The following DPP10 variants were observed in gnomAD, a reference collection of about 807,000 sequenced individuals.
The protein encoded by DPP10 is inactive dipeptidyl peptidase 10.
Under a neutral mutation model 120.9 loss-of-function variants are expected in DPP10, and 33 were observed. The observed-to-expected ratio is 0.27, with a 90% CI of 0.21 to 0.37. The LOEUF (loss-of-function observed/expected upper bound fraction) is 0.37. Among genes scored for constraint, DPP10 ranks in the 10% least tolerant of loss-of-function variants. The pLI, the probability that DPP10 is intolerant of heterozygous loss-of-function variation, is 1.00. For synonymous variants in DPP10, 337 were observed against 326.1 expected (o/e 1.03, Z -0.36); for missense variants, 816 against 942.8 (o/e 0.87, Z 1.76).
intron 1 of DPP10, among the ~76,000 whole-genome samples, chr2:114,803,972 G>T (rs1443276847): frequency 1.3e-5 from 2 of 152,186 alleles, no homozygotes; most frequent in Non-Finnish European, 2.9e-5. Context: ...CCCATCACAG[G>T]CCCGGAGGCC....
chr2:115,285,340 T>C (rs2060321737), intron 1 of DPP10, among the ~76,000 whole-genome samples: 1 of 152,042 alleles, frequency 6.6e-6, no homozygotes, highest in Non-Finnish European at 1.5e-5. Context: ...TGGAAGCTGA[T>C]ATGCAGCTCA....
At chr2:115,304,485 GA>G (rs2061278487) in intron 1 of DPP10, among the ~76,000 whole-genome samples, 1 of 151,992 alleles carries the variant, frequency 6.6e-6, no homozygotes, top group Non-Finnish European at 1.5e-5. Flanking sequence ...GGTGGTTGGA[GA>G]AAATCTATTT....
intron 1 of DPP10, among the ~76,000 whole-genome samples, chr2:114,504,182 T>G (rs945328881): frequency 2.0e-5 from 3 of 152,208 alleles, no homozygotes; most frequent in Non-Finnish European, 2.9e-5. Flanking sequence ...TAGAATTTTG[T>G]TGACATACAC....
chr2:115,354,951 T>A (rs2106323623), intron 3 of DPP10, among the ~76,000 whole-genome samples: 1 of 152,320 alleles, frequency 6.6e-6, no homozygotes, highest in South Asian at 2.1e-4. Context: ...AGTCTATCAC[T>A]GTTGGGCATT....
At chr2:115,507,342 A>G (rs2077001903) in intron 4 of DPP10, among the ~76,000 whole-genome samples, 1 of 152,186 alleles carries the variant, frequency 6.6e-6, no homozygotes, top group African/African-American at 2.4e-5. Context: ...GATACAATGG[A>G]GAGCAAGACA....
intron 4 of DPP10, among the ~76,000 whole-genome samples, chr2:115,520,621 G>C (rs2077751039): frequency 2.0e-5 from 3 of 152,004 alleles, no homozygotes; most frequent in South Asian, 4.1e-4. Flanking sequence ...CTAAGGTTCT[G>C]CCGTTTCTCA....
intron 1 of DPP10, among the ~76,000 whole-genome samples, chr2:114,838,057 A>G (rs781119857): frequency 3.3e-5 from 5 of 152,234 alleles, no homozygotes; most frequent in African/African-American, 1.2e-4. Flanking sequence ...TGGCTGTGCC[A>G]TCTGAAGAAT....
At chr2:114,645,109 C>T (rs1396500648) in intron 1 of DPP10, among the ~76,000 whole-genome samples, 1 of 151,980 alleles carries the variant, frequency 6.6e-6, no homozygotes, top group East Asian at 1.9e-4. Flanking sequence ...GGAATAAGTG[C>T]GGGACACACT....
chr2:115,701,964 A>G (rs931011136), intron 7 of DPP10, among the ~76,000 whole-genome samples: 1 of 152,096 alleles, frequency 6.6e-6, no homozygotes, highest in African/African-American at 2.4e-5. Flanking sequence ...ATATAATTCC[A>G]TCGCAGTAAG....
At chr2:115,625,572 A>AT (rs2085295410) in intron 5 of DPP10, among the ~76,000 whole-genome samples, 1 of 152,160 alleles carries the variant, frequency 6.6e-6, no homozygotes. Context: ...GGATTAAGAC[A>AT]TTAAGAATAG....
intron 1 of DPP10, among the ~76,000 whole-genome samples, chr2:114,494,363 G>C (rs774929918): frequency 1.3e-5 from 2 of 152,130 alleles, no homozygotes; most frequent in Non-Finnish European, 2.9e-5. Context: ...TAGGGAGTGT[G>C]CAAAATTGCT....
chr2:115,774,178 T>C (rs1295986393), intron 13 of DPP10, among the ~76,000 whole-genome samples: 1 of 150,070 alleles, frequency 6.7e-6, no homozygotes, highest in Non-Finnish European at 1.5e-5. Context: ...GCAATTTTAA[T>C]GTTGTATCTC....
chr2:115,410,479 G>A (rs927616220), intron 3 of DPP10, among the ~76,000 whole-genome samples: 2 of 152,146 alleles, frequency 1.3e-5, no homozygotes, highest in Non-Finnish European at 2.9e-5. Flanking sequence ...GGCCTGTTTA[G>A]GTGTGAAGGG....
intron 1 of DPP10, among the ~76,000 whole-genome samples, chr2:114,466,122 T>G (rs1281529813): frequency 1.3e-5 from 2 of 152,188 alleles, no homozygotes; most frequent in Non-Finnish European, 2.9e-5. Context: ...CAATTCTAAT[T>G]AAAAATCCCA....
intron 1 of DPP10, among the ~76,000 whole-genome samples, chr2:114,795,060 T>A (rs983639036): frequency 1.3e-5 from 2 of 152,186 alleles, no homozygotes; most frequent in African/African-American, 2.4e-5. Context: ...TGACTTGAAA[T>A]TTTTTAAACT....
At chr2:115,256,522 T>G (rs2059006307) in intron 1 of DPP10, among the ~76,000 whole-genome samples, 1 of 152,194 alleles carries the variant, frequency 6.6e-6, no homozygotes, top group Non-Finnish European at 1.5e-5. Context: ...GGGAGTAGTG[T>G]TCCGAGGTAG....
intron 5 of DPP10, among the ~76,000 whole-genome samples, chr2:115,637,799 T>C (rs2086468968): frequency 6.6e-6 from 1 of 152,166 alleles, no homozygotes; most frequent in African/African-American, 2.4e-5. Context: ...ACAAGAACAG[T>C]GGCCATCCCA....
At chr2:114,705,730 G>T (rs1700647266) in intron 1 of DPP10, among the ~76,000 whole-genome samples, 1 of 152,254 alleles carries the variant, frequency 6.6e-6, no homozygotes, top group East Asian at 1.9e-4. Flanking sequence ...GGAGAGGAGA[G>T]TATACCAGCT....
intron 1 of DPP10, among the ~76,000 whole-genome samples, chr2:114,558,052 A>G (rs1688464597): frequency 6.6e-6 from 1 of 152,196 alleles, no homozygotes; most frequent in Admixed American, 6.5e-5. Flanking sequence ...AAACTATGTG[A>G]GGATGACTGG....
Sources: allele counts gnomAD v4.1 joint callset (sites outside exome capture counted in the v4.1 genomes callset), GRCh38; gene constraint gnomAD v4.1.1; transcripts MANE v1.5; gene names NCBI Gene and HGNC (gene_info 2026-07-23, HGNC 2026-07-21).